NAALADL2: variants seen among roughly 807,000 people sequenced by gnomAD.
The protein encoded by NAALADL2 is N-acetylated alpha-linked acidic dipeptidase like 2.
NAALADL2 carries 76 observed loss-of-function variants against 87.2 expected under a neutral mutation model. The ratio of observed to expected loss-of-function variants is 0.87; its 90% CI spans 0.72 to 1.05. The LOEUF is 1.05. NAALADL2 is among the 50% of genes least tolerant of loss of function. NAALADL2 has a pLI of 0.00. For synonymous variants in NAALADL2, 354 were observed against 331.0 expected, an observed-to-expected ratio of 1.07 and a Z score of -0.75; for missense variants, 1,089 against 945.8, an observed-to-expected ratio of 1.15 and a Z score of -1.99.
rs189136761 is a variant in NAALADL2 at position 175,685,541 on chromosome 3, G to A, written c.1897-51765G>A. Among the ~76,000 whole-genome samples the A allele has an allele frequency of 3.7e-3, 565 of 151,718 alleles. 8 individuals are homozygous for A. The highest frequency in any genetic ancestry group is 2.3e-3 in the Non-Finnish European group (153 of 67,918). On this transcript the variant is annotated intron_variant, in intron 11 of 13. Transcript: ENST00000454872. The stretch of plus-strand genomic sequence containing the variant: ...GAAGTGATGGAGAGAAAAAGAGAGA[G>A]AGATTTATTACAAGGAATTGGCTCA...
chr3:175,082,401 A>C (rs1271947435), intron 1 of NAALADL2, among the ~76,000 whole-genome samples: 1 of 152,212 alleles, frequency 6.6e-6, no homozygotes, highest in South Asian at 2.1e-4. Flanking sequence ...TAATTTGACT[A>C]TCATAAAATG....
intron 10 of NAALADL2, among the ~76,000 whole-genome samples, chr3:175,612,236 C>G (rs1330879850): frequency 2.6e-5 from 4 of 152,140 alleles, no homozygotes; most frequent in African/African-American, 9.7e-5. Flanking sequence ...GAGGGAAGGA[C>G]AGTTGGGACA....
At chr3:175,281,680 A>G (rs1451080542) in intron 4 of NAALADL2, among the ~76,000 whole-genome samples, 1 of 151,980 alleles carries the variant, frequency 6.6e-6, no homozygotes, top group Non-Finnish European at 1.5e-5. Context: ...ATTTTTTTCT[A>G]GAATTTGAGT....
intron 3 of NAALADL2, among the ~76,000 whole-genome samples, chr3:174,786,465 AAT>A (rs1253000857): frequency 1.2e-3 from 144 of 116,992 alleles, no homozygotes; most frequent in Admixed American, 2.0e-3. Flanking sequence ...AAAAAAAAAA[AAT>A]AATAAATAAA....
chr3:175,748,774 G>GATCATAAT (rs1044592438), intron 12 of NAALADL2, among the ~76,000 whole-genome samples: 1 of 151,992 alleles, frequency 6.6e-6, no homozygotes, highest in Non-Finnish European at 1.5e-5. Flanking sequence ...AGTCCAAAGA[G>GATCATAAT]ATCATAATGA....
At chr3:175,734,412 C>T (rs1744218370) in intron 11 of NAALADL2, among the ~76,000 whole-genome samples, 1 of 151,662 alleles carries the variant, frequency 6.6e-6, no homozygotes, top group African/African-American at 2.4e-5. Context: ...ACAAAATTAG[C>T]TGGGCGTGGT....
At chr3:174,460,266 T>TGTC (rs1716128382) in intron 1 of NAALADL2, among the ~76,000 whole-genome samples, 1 of 151,460 alleles carries the variant, frequency 6.6e-6, no homozygotes, top group East Asian at 2.0e-4. Context: ...TTTGGTTAGT[T>TGTC]TGTTCATGTA....
Position 175,393,251 on chromosome 3 carries a change from G to A in NAALADL2, c.1091-53978G>A, listed in dbSNP as rs1010355004. Among the ~76,000 whole-genome samples, 14 of 116,712 alleles carry A rather than the reference G, an allele frequency of 1.2e-4. No individual in the cohort carries two copies. In the South Asian group the frequency reaches 2.9e-3, roughly 24 times the overall value. The allele number at this position is 116,712 out of a possible 152,430, so 76.6% of individuals were successfully genotyped here. On this transcript the variant is annotated intron_variant, in intron 5 of 13. Transcript: ENST00000454872. The stretch of plus-strand genomic sequence containing the variant: ...ATTGCACCACTGCAGTCCGCAGTCC[G>A]GCCTGGGCGACAGAGCGAGACTCCG...
intron 5 of NAALADL2, among the ~76,000 whole-genome samples, chr3:175,378,499 T>C (rs989457900): frequency 6.6e-6 from 1 of 152,224 alleles, no homozygotes; most frequent in African/African-American, 2.4e-5. Flanking sequence ...TGATAGTGAT[T>C]GTTCACTTGG....
At chr3:174,732,259 C>T (rs2108985995) in intron 2 of NAALADL2, among the ~76,000 whole-genome samples, 1 of 152,078 alleles carries the variant, frequency 6.6e-6, no homozygotes, top group South Asian at 2.1e-4. Flanking sequence ...ATAGTCTTGA[C>T]ACAATTTGAG....
At chr3:175,355,508 G>A (rs990221964) in intron 5 of NAALADL2, among the ~76,000 whole-genome samples, 13 of 152,134 alleles carry the variant, frequency 8.5e-5, no homozygotes, top group African/African-American at 3.1e-4. Flanking sequence ...TACTGATTGC[G>A]CTCAGGCTGG....
In NAALADL2 at chr3:174,708,688, C is replaced by CATATGAA. The variant is rs1312830447; in HGVS notation, c.-114-28953_-114-28952insATATGAA. ...GTTGGTCAAGAGAAATAGGATTTGA[C>CATATGAA]TTACCTTACATATGAATTCTTTTTA... On this transcript the variant is annotated intron_variant, in intron 2 of 3. Transcript: ENST00000434257. Among the ~76,000 whole-genome samples, 355 of 152,230 alleles carry CATATGAA rather than the reference C, an allele frequency of 2.3e-3. 1 individual carries two copies. The highest frequency in any genetic ancestry group is 7.4e-3 in the African/African-American group (308 of 41,558).
intron 1 of NAALADL2, among the ~76,000 whole-genome samples, chr3:175,012,065 A>G (rs1351269797): frequency 1.3e-5 from 2 of 152,200 alleles, no homozygotes; most frequent in Non-Finnish European, 2.9e-5. Flanking sequence ...AAGTTTGGGC[A>G]TGCTGAGTTT....
At chr3:175,483,515 A>AT (rs923435414) in intron 9 of NAALADL2, among the ~76,000 whole-genome samples, 7 of 151,316 alleles carry the variant, frequency 4.6e-5, no homozygotes, top group Admixed American at 2.6e-4. Flanking sequence ...TTCTATTAAT[A>AT]TTTTTTTTGT....
intron 2 of NAALADL2, among the ~76,000 whole-genome samples, chr3:175,230,690 T>A (rs1312693209): frequency 2.0e-5 from 3 of 151,924 alleles, no homozygotes; most frequent in Non-Finnish European, 4.4e-5. Flanking sequence ...AAACACATAA[T>A]GAAATATTAC....
At chr3:174,867,275 A>T (rs1727275038) in intron 1 of NAALADL2, among the ~76,000 whole-genome samples, 1 of 151,968 alleles carries the variant, frequency 6.6e-6, no homozygotes, top group African/African-American at 2.4e-5. Flanking sequence ...CACCAAGCTG[A>T]TCCGCTATTA....
At chr3:174,797,986 T>C (rs1718338893) in intron 3 of NAALADL2, among the ~76,000 whole-genome samples, 2 of 151,812 alleles carry the variant, frequency 1.3e-5, no homozygotes, top group African/African-American at 2.4e-5. Context: ...TTTATAGTTT[T>C]AGCTCTTACA....
intron 12 of NAALADL2, among the ~76,000 whole-genome samples, chr3:175,742,324 G>T (rs1198589970): frequency 6.6e-6 from 1 of 152,190 alleles, no homozygotes; most frequent in Non-Finnish European, 1.5e-5. Flanking sequence ...AAGGTCCCGA[G>T]ATTTATTTTC....
intron 1 of NAALADL2, among the ~76,000 whole-genome samples, chr3:174,862,655 C>A (rs535716478): frequency 3.9e-5 from 6 of 152,048 alleles, no homozygotes; most frequent in African/African-American, 1.4e-4. Context: ...GGGCACCTTC[C>A]TCTTTGTAAA....
Sources: gnomAD v4.1 joint callset for allele counts (sites outside exome capture counted in the v4.1 genomes callset) on GRCh38, gnomAD v4.1.1 for gene constraint, MANE v1.5 for transcripts, NCBI Gene and HGNC (gene_info 2026-07-23, HGNC 2026-07-21) for gene names.